The following CC2D2B variants were observed in gnomAD, a reference collection of about 807,000 sequenced individuals.
The protein encoded by CC2D2B is protein CC2D2B.
In CC2D2B, 128 loss-of-function variants were observed where a neutral mutation model predicts 161.2. The ratio of observed to expected loss-of-function variants is 0.79; its 90% CI spans 0.69 to 0.92. The LOEUF is 0.92. CC2D2B is among the 40% of genes least tolerant of loss of function. CC2D2B has a pLI of 0.00. For synonymous variants in CC2D2B, 391 were observed against 449.8 expected (o/e 0.87, Z 1.65); for missense variants, 1,173 against 1,375.1 (o/e 0.85, Z 2.32).
intron 2 of CC2D2B, among the ~76,000 whole-genome samples, chr10:95,917,250 A>C (rs909411919): frequency 6.6e-6 from 1 of 150,724 alleles, no homozygotes; most frequent in South Asian, 2.1e-4. Context: ...CATCCTTTTC[A>C]GTGTTTATGT....
At chr10:96,030,031 T>A (rs886128668) in intron 34 of CC2D2B, among the ~76,000 whole-genome samples, 1 of 152,162 alleles carries the variant, frequency 6.6e-6, no homozygotes, top group Admixed American at 6.5e-5. Context: ...CAGACTGGTC[T>A]TGAACTGCTG....
At chr10:95,950,389 T>G (rs944612625) in intron 10 of CC2D2B, 1 of 224,016 alleles carries the variant, frequency 4.5e-6, no homozygotes, top group Admixed American at 5.7e-5. Flanking sequence ...AAGAGCCATG[T>G]GGCTGTTTTA....
intron 4 of CC2D2B, 135 bp from the exon 5 acceptor site, chr10:95,924,644 G>C (rs1421823893): frequency 9.5e-6 from 6 of 634,790 alleles, no homozygotes; most frequent in African/African-American, 1.8e-5. Flanking sequence ...TATGTCTGCT[G>C]ATATTTCATG....
intron 10 of CC2D2B, among the ~76,000 whole-genome samples, chr10:95,953,601 C>A (rs1249935893): frequency 6.6e-6 from 1 of 152,070 alleles, no homozygotes; most frequent in East Asian, 1.9e-4. Flanking sequence ...CCTTCTCTAC[C>A]CCAAGTTTAT....
chr10:96,030,340 A>G (rs2080013285), intron 34 of CC2D2B, among the ~76,000 whole-genome samples: 4 of 151,502 alleles, frequency 2.6e-5, no homozygotes, highest in Admixed American at 1.3e-4. Context: ...CTCCTACTCT[A>G]CCCCAAGCTC....
rs557878404 is a variant in CC2D2B at position 95,986,839 on chromosome 10, C to T, written c.2287-1411C>T. On this transcript the variant is annotated intron_variant, in intron 19 of 34. Coordinates refer to ENST00000646931, the MANE Select transcript of CC2D2B (RefSeq NM_001349008.3). ...CTTGAACTCCTAACTTTAAGTGATC[C>T]GCCCGCCTCGGCCTCCCACAGTGTT... 9.9e-5 allele frequency among the ~76,000 whole-genome samples: 15 copies of T among 152,074 alleles called. 1 individual carries two copies. The South Asian group carries it at 1.7e-3, about 17-fold the overall frequency.
chr10:96,024,072 C>T (rs2079583242), intron 32 of CC2D2B, among the ~76,000 whole-genome samples: 1 of 152,246 alleles, frequency 6.6e-6, no homozygotes, highest in Admixed American at 6.5e-5. Context: ...GCCCCTCACT[C>T]TTGTCCATGT....
At chr10:95,911,478 G>C (rs1259013224) in intron 2 of CC2D2B, 119 bp downstream of exon 2, 1 of 197,620 alleles carries the variant, frequency 5.1e-6, no homozygotes, top group Non-Finnish European at 1.0e-5. Context: ...AAATTCATAT[G>C]TAAAAAAAGA....
chr10:95,932,679 C>A (rs1004919957), intron 6 of CC2D2B, among the ~76,000 whole-genome samples: 4 of 152,182 alleles, frequency 2.6e-5, no homozygotes, highest in East Asian at 1.9e-4. Flanking sequence ...GTTGAAAATT[C>A]TTTTCTTTAA....
At chr10:95,943,842 G>A (rs773116293) in intron 9 of CC2D2B, among the ~76,000 whole-genome samples, 5 of 152,014 alleles carry the variant, frequency 3.3e-5, no homozygotes, top group Non-Finnish European at 7.4e-5. Context: ...ATAGAAGCCC[G>A]AGATGATGTT....
Position 95,917,098 on chromosome 10 carries a change from A to G in CC2D2B, c.37-4918A>G, listed in dbSNP as rs150711249. Among the ~76,000 whole-genome samples the G allele has an allele frequency of 2.5e-3, 384 of 152,332 alleles. 2 individuals are homozygous for G. The highest frequency in any genetic ancestry group is 8.9e-3 in the African/African-American group (371 of 41,574). ...AGTGTTGGGAGCATATGTATGTACAATTATGACATCCTCTTGATGAATTGA... is the reference window on the plus strand; with the variant it reads ...AGTGTTGGGAGCATATGTATGTACAGTTATGACATCCTCTTGATGAATTGA... On this transcript the variant is annotated intron_variant, in intron 2 of 34. Transcript: ENST00000646931.
chr10:95,941,424 A>G (rs1015759580), intron 9 of CC2D2B, among the ~76,000 whole-genome samples: 4 of 152,202 alleles, frequency 2.6e-5, no homozygotes, highest in African/African-American at 9.6e-5. Context: ...AATGGGAGAA[A>G]ATATTTGCAA....
chr10:95,925,455 A>C (rs1040036650), intron 5 of CC2D2B, among the ~76,000 whole-genome samples: 1 of 152,224 alleles, frequency 6.6e-6, no homozygotes, highest in Admixed American at 6.5e-5. Flanking sequence ...TAATTATTTT[A>C]ACAATGTTAT....
chr10:95,947,113 A>ATATATTTTT (rs1289243570), intron 9 of CC2D2B, among the ~76,000 whole-genome samples: 4 of 48,374 alleles, frequency 8.3e-5, no homozygotes, highest in African/African-American at 3.7e-4. Flanking sequence ...ATATATATAT[A>ATATATTTTT]TTTTTTTTTT....
intron 19 of CC2D2B, 56 bp from the exon 20 acceptor site, chr10:95,988,194 T>C: frequency 3.3e-6 from 2 of 613,568 alleles, no homozygotes; most frequent in Non-Finnish European, 4.7e-6. Flanking sequence ...TTGCAATGTG[T>C]CATATGTGAA....
chr10:95,937,569 A>G (rs2075870338), intron 6 of CC2D2B, among the ~76,000 whole-genome samples: 1 of 151,380 alleles, frequency 6.6e-6, no homozygotes, highest in African/African-American at 2.4e-5. Flanking sequence ...AGAAAAAAGC[A>G]TGCCTACTCT....
At chr10:95,987,876 C>T (rs1406806669) in intron 19 of CC2D2B, among the ~76,000 whole-genome samples, 1 of 152,160 alleles carries the variant, frequency 6.6e-6, no homozygotes, top group Non-Finnish European at 1.5e-5. Context: ...GACTGTCTGC[C>T]TCCACTGCCC....
At chr10:95,932,928 T>G (rs1051944078) in intron 6 of CC2D2B, among the ~76,000 whole-genome samples, 2 of 152,206 alleles carry the variant, frequency 1.3e-5, no homozygotes, top group African/African-American at 4.8e-5. Flanking sequence ...TGTTGACCTG[T>G]CTTGCTAAGT....
chr10:95,922,063 G>A lies in CC2D2B; in HGVS notation c.84G>A (p.Lys28=). Residue 28 remains lysine (K), a synonymous_variant, in exon 3 of 35, where the codon AAG becomes AAA. Transcript: ENST00000646931. The part of the protein sequence containing the change: ...DNITAEEIID[K]HLQKDLDAEE... ...TTACAGCTGAAGAAATTATAGACAA[G>A]CATCTCCAAAAAGGTTCTCAATAAG... 6.5e-7 allele frequency: 1 copy of A among 1,531,350 alleles called. No homozygotes were observed. The highest frequency in any genetic ancestry group is 8.8e-7 in the Non-Finnish European group (1 of 1,130,846). 94.9% of individuals were successfully genotyped at this position (1,531,350 alleles called of 1,614,324 possible).
Sources: gnomAD v4.1 joint callset for allele counts (sites outside exome capture counted in the v4.1 genomes callset) on GRCh38, gnomAD v4.1.1 for gene constraint, MANE v1.5 for transcripts, NCBI Gene and HGNC (gene_info 2026-07-23, HGNC 2026-07-21) for gene names.